Variants in RNF150 observed in about 807,000 individuals in gnomAD.
The protein encoded by RNF150 is ring finger protein 150.
RNF150 carries 24 observed loss-of-function variants against 39.3 expected under a neutral mutation model. The observed-to-expected ratio is 0.61, with a 90% CI of 0.44 to 0.86. The LOEUF is 0.86. Ranked by LOEUF, RNF150 falls within the 40% of genes least tolerant of loss-of-function variation. The pLI, the probability that RNF150 is intolerant of heterozygous loss-of-function variation, is 0.00. For missense variants in RNF150, 502 were observed against 587.8 expected, an observed-to-expected ratio of 0.85 and a Z score of 1.51; for synonymous variants, 255 against 227.3, an observed-to-expected ratio of 1.12 and a Z score of -1.10.
intron 4 of RNF150, among the ~76,000 whole-genome samples, chr4:140,938,578 G>A (rs1731952181): frequency 6.6e-6 from 1 of 152,156 alleles, no homozygotes; most frequent in African/African-American, 2.4e-5. Context: ...TCCAAGGCCT[G>A]GCAGACTCAA....
chr4:140,982,484 A>G (rs1378965069), intron 1 of RNF150, among the ~76,000 whole-genome samples: 1 of 148,880 alleles, frequency 6.7e-6, no homozygotes, highest in Non-Finnish European at 1.5e-5. Context: ...AGCACTGGTC[A>G]TGGCTGAATT....
In RNF150 at chr4:140,911,253, A is replaced by G. The variant is rs1730590049; in HGVS notation, c.1089T>C (p.Asn363=). Residue 363 remains asparagine (N), a synonymous_variant, in exon 6 of 7, where the codon AAT becomes AAC. Transcript: ENST00000515673. ...QITGASDTTV[N]ESSVTLDPAV... The stretch of plus-strand genomic sequence containing the variant: ...CAGGGTCCAAAGTGACTGAACTTTC[A>G]TTCACTGTTGTGTCGCTGGCACCTG... 1 of 1,614,004 alleles carries G rather than the reference A, an allele frequency of 6.2e-7. No homozygotes were observed. The highest frequency in any genetic ancestry group is 8.5e-7 in the Non-Finnish European group (1 of 1,180,026).
At chr4:141,013,151 G>A (rs1195431477) in intron 1 of RNF150, among the ~76,000 whole-genome samples, 1 of 152,132 alleles carries the variant, frequency 6.6e-6, no homozygotes, top group Admixed American at 6.5e-5. Flanking sequence ...CATGGTGGTT[G>A]TATCTTTTTG....
chr4:141,003,862 C>T (rs1273148788), intron 1 of RNF150, among the ~76,000 whole-genome samples: 2 of 152,148 alleles, frequency 1.3e-5, no homozygotes, highest in African/African-American at 4.8e-5. Context: ...TTGAGTGAGT[C>T]TTTGACTTGG....
chr4:140,898,540 A>G (rs924640300), intron 6 of RNF150, among the ~76,000 whole-genome samples: 17 of 152,264 alleles, frequency 1.1e-4, no homozygotes, highest in African/African-American at 3.9e-4. Flanking sequence ...TATGATATGC[A>G]TATATGAACA....
chr4:141,205,756 C>T (rs1317290043), intron 1 of RNF150, among the ~76,000 whole-genome samples: 1 of 152,172 alleles, frequency 6.6e-6, no homozygotes, highest in Non-Finnish European at 1.5e-5. Context: ...GGGGCAATCC[C>T]AAATTTTCTC....
chr4:141,077,416 G>A (rs1458416853), intron 1 of RNF150, among the ~76,000 whole-genome samples: 3 of 152,188 alleles, frequency 2.0e-5, no homozygotes, highest in African/African-American at 7.2e-5. Flanking sequence ...CAAACGGGCA[G>A]CACAAAAGCA....
At chr4:141,117,140 T>C (rs1018045246) in intron 1 of RNF150, among the ~76,000 whole-genome samples, 2 of 152,082 alleles carry the variant, frequency 1.3e-5, no homozygotes, top group African/African-American at 4.8e-5. Context: ...GAACTTAAAG[T>C]ATAATAAAAA....
chr4:140,964,917 T>C (rs1733176588), intron 2 of RNF150, among the ~76,000 whole-genome samples: 2 of 151,948 alleles, frequency 1.3e-5, no homozygotes, highest in Non-Finnish European at 2.9e-5. Flanking sequence ...TATATGGGTA[T>C]TTAATATATG....
intron 1 of RNF150, among the ~76,000 whole-genome samples, chr4:141,038,091 GT>G (rs1415187182): frequency 5.3e-5 from 8 of 152,168 alleles, no homozygotes; most frequent in Non-Finnish European, 1.0e-4. Flanking sequence ...GGGATATCAG[GT>G]TAGTCACATC....
At position 140,990,625 on chromosome 4, in the gene RNF150, T is replaced by C. The variant is rs189376818; in HGVS notation, c.485-22752A>G. Among the ~76,000 whole-genome samples the C allele has an allele frequency of 2.7e-3, 418 of 152,330 alleles. 3 individuals are homozygous for C. Among genetic ancestry groups the C allele is most frequent in the African/African-American group, 9.7e-3 (403 of 41,580 alleles). ...TCCTCCATTAGTTTGCTGAGGATAA[T>C]GGCTTCCAGCTCCATCCATGTCCCT... On this transcript the variant is annotated intron_variant, in intron 1 of 6. Transcript: ENST00000515673.
chr4:141,062,331 T>A (rs976821327), intron 1 of RNF150, among the ~76,000 whole-genome samples: 1 of 152,098 alleles, frequency 6.6e-6, no homozygotes, highest in Non-Finnish European at 1.5e-5. Context: ...CTTATATATA[T>A]CTCTCATATA....
chr4:141,076,051 T>C (rs1247266210), intron 1 of RNF150, among the ~76,000 whole-genome samples: 1 of 152,224 alleles, frequency 6.6e-6, no homozygotes, highest in Non-Finnish European at 1.5e-5. Context: ...TAAAAATGTA[T>C]AGGGACATAA....
At chr4:141,060,995 G>A (rs1396365588) in intron 1 of RNF150, among the ~76,000 whole-genome samples, 6 of 152,048 alleles carry the variant, frequency 3.9e-5, no homozygotes, top group Non-Finnish European at 8.8e-5. Flanking sequence ...TTGCGGGGTC[G>A]GGGGCTAGGG....
At chr4:141,157,741 C>A (rs189165581) in intron 1 of RNF150, among the ~76,000 whole-genome samples, 1 of 152,118 alleles carries the variant, frequency 6.6e-6, no homozygotes, top group Non-Finnish European at 1.5e-5. Context: ...CTATTTGCAA[C>A]GTGCATTATA....
intron 1 of RNF150, among the ~76,000 whole-genome samples, chr4:141,177,868 A>C (rs1300307111): frequency 6.6e-6 from 1 of 152,160 alleles, no homozygotes; most frequent in Admixed American, 6.5e-5. Context: ...TTTTATGTTC[A>C]ATTTACCATA....
chr4:141,118,774 T>C (rs1177588785), intron 1 of RNF150, among the ~76,000 whole-genome samples: 1 of 152,134 alleles, frequency 6.6e-6, no homozygotes, highest in Non-Finnish European at 1.5e-5. Flanking sequence ...GATTGATTGA[T>C]TTTTGAGACA....
At chr4:141,019,748 A>G (rs1560692047) in intron 1 of RNF150, among the ~76,000 whole-genome samples, 1 of 152,176 alleles carries the variant, frequency 6.6e-6, no homozygotes. Context: ...TTTCAGAACA[A>G]CAGGTATTTA....
chr4:141,019,275 TATAAA>T (rs1004114830), intron 1 of RNF150, among the ~76,000 whole-genome samples: 3 of 151,902 alleles, frequency 2.0e-5, no homozygotes, highest in African/African-American at 7.2e-5. Flanking sequence ...CCAAGTCAAA[TATAAA>T]ATATCTTATA....
Sources: gnomAD v4.1 joint callset for allele counts (sites outside exome capture counted in the v4.1 genomes callset) on GRCh38, gnomAD v4.1.1 for gene constraint, MANE v1.5 for transcripts, NCBI Gene and HGNC (gene_info 2026-07-23, HGNC 2026-07-21) for gene names.